The following ABCC4 variants were observed in gnomAD, a reference collection of about 807,000 sequenced individuals.
The protein encoded by ABCC4 is ATP binding cassette subfamily C member 4 (PEL blood group), also known as ATP-binding cassette sub-family C member 4.
Under a neutral mutation model 168.5 loss-of-function variants are expected in ABCC4, and 102 were observed. That is an observed-to-expected ratio of 0.61 (90% CI 0.52 to 0.71). The LOEUF (loss-of-function observed/expected upper bound fraction) is 0.71. Ranked by LOEUF, ABCC4 falls within the 30% of genes least tolerant of loss-of-function variation. The pLI is 0.00. For synonymous variants in ABCC4, 617 were observed against 590.7 expected (o/e 1.04, Z -0.65); for missense variants, 1,402 against 1,605.8 (o/e 0.87, Z 2.17).
intron 19 of ABCC4, among the ~76,000 whole-genome samples, chr13:95,127,627 C>G (rs1217358570): frequency 6.6e-6 from 1 of 152,138 alleles, no homozygotes; most frequent in Non-Finnish European, 1.5e-5. Flanking sequence ...GCTACCCTGC[C>G]CATCTGCTAA....
At chr13:95,221,591 A>G (rs1351861074) in intron 4 of ABCC4, among the ~76,000 whole-genome samples, 3 of 152,076 alleles carry the variant, frequency 2.0e-5, no homozygotes, top group Non-Finnish European at 2.9e-5. Flanking sequence ...AAACAAATCA[A>G]TTATGTTTGA....
intron 1 of ABCC4, among the ~76,000 whole-genome samples, chr13:95,284,028 C>T (rs140058223): frequency 0.013 from 1,983 of 151,640 alleles, 42 homozygotes; most frequent in African/African-American, 0.045. Context: ...AGAGAAACCC[C>T]GTCTCTACTA....
chr13:95,033,014 G>T (rs78226038), intron 30 of ABCC4, among the ~76,000 whole-genome samples: 2 of 134,274 alleles, frequency 1.5e-5, no homozygotes, highest in Non-Finnish European at 3.1e-5. Context: ...CTGTCGCCCA[G>T]GCTGGAGTGC....
At chr13:95,183,901 G>A (rs773172723) in intron 11 of ABCC4, among the ~76,000 whole-genome samples, 2 of 147,604 alleles carry the variant, frequency 1.4e-5, no homozygotes, top group Non-Finnish European at 2.9e-5. Flanking sequence ...GTGACAGAGC[G>A]AGACTCCATC....
At chr13:95,043,865 A>G in intron 28 of ABCC4, 78 bp from the exon 29 acceptor site, 2 of 927,982 alleles carry the variant, frequency 2.2e-6, no homozygotes, top group Non-Finnish European at 3.4e-6. Flanking sequence ...CTACTTCACA[A>G]TAGAGATTTA....
chr13:95,265,620 T>C (rs1385707429), intron 1 of ABCC4, among the ~76,000 whole-genome samples: 4 of 152,040 alleles, frequency 2.6e-5, no homozygotes, highest in Admixed American at 6.6e-5. Context: ...ATGCCTAACA[T>C]TGTGAAGTGC....
chr13:95,191,499 A>G (rs914326677), intron 9 of ABCC4, among the ~76,000 whole-genome samples: 15 of 152,314 alleles, frequency 9.8e-5, no homozygotes, highest in Admixed American at 2.0e-4. Context: ...GTAATACATT[A>G]CCTAAACACT....
intron 19 of ABCC4, among the ~76,000 whole-genome samples, chr13:95,145,616 CAAAA>C (rs1233444198): frequency 8.2e-5 from 8 of 97,034 alleles, no homozygotes; most frequent in South Asian, 3.5e-4. Flanking sequence ...ACCCCATCTC[CAAAA>C]AAAAAAAAAA....
At chr13:95,179,762 C>G (rs1019307461) in intron 11 of ABCC4, among the ~76,000 whole-genome samples, 1 of 152,170 alleles carries the variant, frequency 6.6e-6, no homozygotes, top group Non-Finnish European at 1.5e-5. Flanking sequence ...TTCTTTGTCT[C>G]TACTCTGACA....
At chr13:95,086,101 G>GTGTA (rs1246392605) in intron 20 of ABCC4, among the ~76,000 whole-genome samples, 1 of 151,684 alleles carries the variant, frequency 6.6e-6, no homozygotes. Context: ...GTGTGTGTGT[G>GTGTA]TGTGTGTGTG....
intron 24 of ABCC4, among the ~76,000 whole-genome samples, chr13:95,072,941 C>A (rs973894438): frequency 9.9e-5 from 15 of 152,144 alleles, no homozygotes; most frequent in Admixed American, 9.2e-4. Flanking sequence ...AATTTCAGAA[C>A]CTCCCTCCTA....
At chr13:95,263,627 A>C (rs552878922) in intron 1 of ABCC4, among the ~76,000 whole-genome samples, 1 of 152,284 alleles carries the variant, frequency 6.6e-6, no homozygotes, top group East Asian at 1.9e-4. Flanking sequence ...GTTCAAGACC[A>C]GCCTGGCCAA....
At chr13:95,129,459 T>C (rs562786570) in intron 19 of ABCC4, among the ~76,000 whole-genome samples, 2 of 152,326 alleles carry the variant, frequency 1.3e-5, no homozygotes, top group South Asian at 2.1e-4. Flanking sequence ...AATGGACATG[T>C]TGTGGATATT....
intron 19 of ABCC4, among the ~76,000 whole-genome samples, chr13:95,150,023 G>C (rs1053750658): frequency 6.6e-6 from 1 of 152,170 alleles, no homozygotes; most frequent in African/African-American, 2.4e-5. Context: ...CTAGGCTTGG[G>C]GGGGCAATAC....
chr13:95,201,855 C>A (rs1479925992), intron 8 of ABCC4, among the ~76,000 whole-genome samples: 2 of 152,166 alleles, frequency 1.3e-5, no homozygotes, highest in African/African-American at 4.8e-5. Flanking sequence ...CGCCTGTAAT[C>A]CCAACTACTC....
At chr13:95,053,313 G>T (rs889826660) in intron 26 of ABCC4, 129 bp from the exon 27 acceptor site, 1 of 750,780 alleles carries the variant, frequency 1.3e-6, no homozygotes, top group Non-Finnish European at 2.2e-6. Context: ...CGTTACAAAT[G>T]CCTGTTTACA....
intron 19 of ABCC4, among the ~76,000 whole-genome samples, chr13:95,151,884 T>A (rs1301023004): frequency 6.6e-6 from 1 of 152,208 alleles, no homozygotes; most frequent in Non-Finnish European, 1.5e-5. Flanking sequence ...AATTGGGGCA[T>A]CTCAACACCT....
At chr13:95,178,687 C>T (rs1328885593) in intron 11 of ABCC4, among the ~76,000 whole-genome samples, 1 of 151,996 alleles carries the variant, frequency 6.6e-6, no homozygotes, top group African/African-American at 2.4e-5. Context: ...TGGATGCACA[C>T]GGAACTGCGA....
At chr13:95,222,125 T>C (rs2039326091) in intron 4 of ABCC4, among the ~76,000 whole-genome samples, 1 of 152,142 alleles carries the variant, frequency 6.6e-6, no homozygotes, top group Non-Finnish European at 1.5e-5. Context: ...CCTCCATCTA[T>C]TCAGTAAGGA....
Sources: allele counts gnomAD v4.1 joint callset (sites outside exome capture counted in the v4.1 genomes callset), GRCh38; gene constraint gnomAD v4.1.1; transcripts MANE v1.5; gene names NCBI Gene and HGNC (gene_info 2026-07-23, HGNC 2026-07-21).